PACRGL: variants seen among roughly 807,000 people sequenced by gnomAD.
PACRGL encodes parkin coregulated like, also known as PACRG-like protein.
PACRGL carries 38 observed loss-of-function variants against 34.5 expected under a neutral mutation model. The observed-to-expected ratio is 1.10, with a 90% CI of 0.85 to 1.44. The LOEUF is 1.44. PACRGL is among the 40% of genes most tolerant of loss of function. The pLI is 0.00. For synonymous variants in PACRGL, 128 were observed against 100.1 expected, an observed-to-expected ratio of 1.28 and a Z score of -1.66; for missense variants, 305 against 281.4, an observed-to-expected ratio of 1.08 and a Z score of -0.60.
rs772292424 is a variant in PACRGL at position 20,716,244 on chromosome 4, C to T, written c.609+2705C>T. On this transcript the variant is annotated intron_variant, in intron 7 of 8. Coordinates refer to ENST00000503585, the MANE Select transcript of PACRGL (RefSeq NM_001258345.3). Reference sequence around the variant, plus strand: ...CACAAAAAATAAAGATTAAAATCAGCAAAGGTAAGAGGCACATAGGGCAGG... The same window carrying T: ...CACAAAAAATAAAGATTAAAATCAGTAAAGGTAAGAGGCACATAGGGCAGG... The T allele has an allele frequency of 8.8e-6, 7 of 799,348 alleles. No homozygotes were observed. In the South Asian group the frequency reaches 1.0e-4, roughly 12 times the overall value. 49.5% of individuals were successfully genotyped at this position (799,348 alleles called of 1,614,324 possible). A position where few individuals can be genotyped will look rare whatever the true frequency, so the allele number is the denominator to read the frequency against.
chr4:20,727,022 C>T (rs73110217), intron 8 of PACRGL, among the ~76,000 whole-genome samples: 3,500 of 152,094 alleles, frequency 0.023, 131 homozygotes, highest in African/African-American at 0.081. Flanking sequence ...CCAGGTTTGA[C>T]GAATAAGTGA....
chr4:20,759,077 A>G, the PACRGL span, among the ~76,000 whole-genome samples: 7 of 152,340 alleles, frequency 4.6e-5, no homozygotes, highest in African/African-American at 1.4e-4. Context: ...ACAAGAAAAA[A>G]AAACGTAGAT....
chr4:20,713,517 A>G lies in PACRGL; in HGVS notation c.587A>G (p.His196Arg), dbSNP rs768125313. 5 of 1,611,970 alleles carry G rather than the reference A, an allele frequency of 3.1e-6. No individual in the cohort carries two copies. The highest frequency in any genetic ancestry group is 2.7e-5 in the African/African-American group (2 of 74,970). ...GTTGTTGGTCCTTCTCTAAACGACC[A>G]TCTGAAGCATCTGCTTACAAGCGTA... is the stretch of plus-strand genomic sequence containing the variant. ...SVVVGPSLNDHLKHLLTSLSK... is the reference protein window; with the variant it reads ...SVVVGPSLNDRLKHLLTSLSK... The change falls in exon 7 of 9, where the codon CAT becomes CGT. Residue 196 changes from histidine to arginine, a missense_variant. Transcript: ENST00000503585.
chr4:20,756,782 A>G (rs958414985), downstream of PACRGL, among the ~76,000 whole-genome samples: 4 of 151,942 alleles, frequency 2.6e-5, no homozygotes, highest in African/African-American at 4.8e-5. Context: ...TTTCTGAACT[A>G]TCTATCTCTC....
chr4:20,752,372 T>C (rs561271083), intron 8 of PACRGL, among the ~76,000 whole-genome samples: 1 of 152,292 alleles, frequency 6.6e-6, no homozygotes, highest in Admixed American at 6.5e-5. Context: ...ATAGAGATCT[T>C]ACTAAGTTTA....
chr4:20,756,491 A>G (rs1159806025), downstream of PACRGL, among the ~76,000 whole-genome samples: 4 of 152,178 alleles, frequency 2.6e-5, no homozygotes, highest in Admixed American at 6.5e-5. Context: ...ACATTAAAAG[A>G]TAAAGTCTTC....
chr4:20,716,969 A>G (rs1202306795), intron 7 of PACRGL, among the ~76,000 whole-genome samples: 2 of 152,192 alleles, frequency 1.3e-5, no homozygotes, highest in Non-Finnish European at 2.9e-5. Context: ...AAGTGTTCCT[A>G]TTCCTCCACA....
downstream of PACRGL, among the ~76,000 whole-genome samples, chr4:20,756,146 C>CA (rs1553890529): frequency 6.6e-6 from 1 of 150,394 alleles, no homozygotes; most frequent in Non-Finnish European, 1.5e-5. Context: ...CAGGAGATAA[C>CA]GGTGGCTCCT....
the PACRGL span, among the ~76,000 whole-genome samples, chr4:20,759,919 A>T: frequency 2.0e-5 from 3 of 152,160 alleles, no homozygotes; most frequent in African/African-American, 7.2e-5. Context: ...CACCGCGGAT[A>T]CCAAAATCCA....
chr4:20,751,645 C>T (rs1002664949), intron 8 of PACRGL, among the ~76,000 whole-genome samples: 4 of 152,124 alleles, frequency 2.6e-5, no homozygotes, highest in African/African-American at 7.2e-5. Flanking sequence ...GCAAGCAGTA[C>T]TCACCATAAA....
intron 5 of PACRGL, 63 bp from the exon 6 acceptor site, chr4:20,712,725 A>T: frequency 3.0e-6 from 4 of 1,317,434 alleles, no homozygotes; most frequent in Non-Finnish European, 3.9e-6. Context: ...TAAAGACTCA[A>T]TTTTTCTGTT....
the PACRGL span, among the ~76,000 whole-genome samples, chr4:20,758,064 C>T: frequency 6.6e-6 from 1 of 152,276 alleles, no homozygotes; most frequent in African/African-American, 2.4e-5. Flanking sequence ...CCTCTTAATT[C>T]CCCCTACGTG....
intron 5 of PACRGL, among the ~76,000 whole-genome samples, chr4:20,711,308 C>T (rs1737078512): frequency 1.3e-5 from 2 of 152,104 alleles, no homozygotes; most frequent in East Asian, 1.9e-4. Flanking sequence ...ACCTGTTGTC[C>T]AAATGTCAAT....
chr4:20,756,271 T>G (rs28664206), downstream of PACRGL, among the ~76,000 whole-genome samples: 2 of 152,158 alleles, frequency 1.3e-5, no homozygotes, highest in African/African-American at 2.4e-5. Flanking sequence ...GATGTCAAAG[T>G]TGAAAGGAAG....
chr4:20,712,483 T>C (rs906574282), intron 5 of PACRGL, among the ~76,000 whole-genome samples: 2 of 152,176 alleles, frequency 1.3e-5, no homozygotes, highest in East Asian at 1.9e-4. Flanking sequence ...AATCTAGAGA[T>C]TATTTAAAGT....
At chr4:20,754,302 CAG>C (rs1000881749), downstream of PACRGL, among the ~76,000 whole-genome samples, 36 of 152,128 alleles carry the variant, frequency 2.4e-4, no homozygotes, top group African/African-American at 7.7e-4. Flanking sequence ...ATACAAATTG[CAG>C]AGAGTTCTGT....
At chr4:20,742,818 G>A (rs534492756) in intron 8 of PACRGL, among the ~76,000 whole-genome samples, 3 of 152,142 alleles carry the variant, frequency 2.0e-5, no homozygotes, top group East Asian at 3.9e-4. Context: ...AGAAAACCCT[G>A]TCGTCTCAGC....
chr4:20,722,348 A>G (rs527614081), intron 7 of PACRGL, among the ~76,000 whole-genome samples: 104 of 152,326 alleles, frequency 6.8e-4, no homozygotes, highest in Non-Finnish European at 8.7e-4. Flanking sequence ...CCACTGTCCA[A>G]CAAGCCCCAG....
chr4:20,704,406 T>C, intron 1 of PACRGL, 60 bp from the exon 2 acceptor site: 1 of 1,499,106 alleles, frequency 6.7e-7, no homozygotes, highest in Non-Finnish European at 9.2e-7. Context: ...GTCTTTTTAT[T>C]GATAACAAAT....
Sources: gnomAD v4.1 joint callset for allele counts (sites outside exome capture counted in the v4.1 genomes callset) on GRCh38, gnomAD v4.1.1 for gene constraint, MANE v1.5 for transcripts, NCBI Gene and HGNC (gene_info 2026-07-23, HGNC 2026-07-21) for gene names.